The following TENM1 variants were observed in gnomAD, a reference collection of about 807,000 sequenced individuals.
TENM1 encodes teneurin-1.
Under a neutral mutation model 174.8 loss-of-function variants are expected in TENM1, and 35 were observed. The observed-to-expected ratio is 0.20, with a 90% CI of 0.15 to 0.27. The LOEUF (loss-of-function observed/expected upper bound fraction) is 0.27. TENM1 is among the 10% of genes least tolerant of loss of function. TENM1 has a pLI of 1.00. For synonymous variants in TENM1, 781 were observed against 798.7 expected (o/e 0.98, Z 0.37); for missense variants, 1,633 against 2,130.1 (o/e 0.77, Z 4.59).
chrX:125,138,160 T>C, the TENM1 span, among the ~76,000 whole-genome samples: 2 of 111,452 alleles, frequency 1.8e-5, no homozygotes, highest in African/African-American at 6.5e-5. Context: ...CCAGGACATA[T>C]GCATTGAGAA....
At chrX:124,837,089 T>C (rs2056406748) in intron 3 of TENM1, among the ~76,000 whole-genome samples, 1 of 112,485 alleles carries the variant, frequency 8.9e-6, no homozygotes. Context: ...TTATTTTCTC[T>C]GTCTCTTTTT....
chrX:124,805,367 G>C (rs2055566436), intron 3 of TENM1, among the ~76,000 whole-genome samples: 1 of 112,271 alleles, frequency 8.9e-6, no homozygotes, highest in Admixed American at 9.4e-5. Flanking sequence ...ATATATAATA[G>C]TTCTAACCTT....
At chrX:125,121,794 G>A in the TENM1 span, among the ~76,000 whole-genome samples, 4 of 112,465 alleles carry the variant, frequency 3.6e-5, no homozygotes, top group Non-Finnish European at 7.5e-5. Context: ...GGGTAAGGCC[G>A]GATGTGGTGG....
the TENM1 span, among the ~76,000 whole-genome samples, chrX:125,139,406 C>T: frequency 9.0e-6 from 1 of 110,687 alleles, no homozygotes; most frequent in Admixed American, 9.6e-5. Flanking sequence ...AGGGGTTAGC[C>T]CTCCCGAAGC....
At chrX:124,677,808 T>C (rs2052127774) in intron 5 of TENM1, among the ~76,000 whole-genome samples, 2 of 110,949 alleles carry the variant, frequency 1.8e-5, no homozygotes, top group Admixed American at 9.6e-5. Flanking sequence ...GAAAAGACTG[T>C]GGAAAAACTG....
chrX:125,085,239 G>T, the TENM1 span, among the ~76,000 whole-genome samples: 5 of 110,562 alleles, frequency 4.5e-5, no homozygotes, highest in African/African-American at 1.6e-4. Flanking sequence ...ATACAAACAT[G>T]GTTTTAAATA....
Position 124,952,337 on chromosome X carries a change from T to G in TENM1, c.217+11200A>C, listed in dbSNP as rs764486508. On this transcript the variant is annotated intron_variant, in intron 1 of 31. Transcript: ENST00000422452. The stretch of plus-strand genomic sequence containing the variant: ...ACTTCACTGTTCCTTATGTATGGGG[T>G]GTGTGTGTGTGTGTGTGTGTGTGTG... 6.6e-3 allele frequency among the ~76,000 whole-genome samples: 310 copies of G among 46,814 alleles called. 2 individuals carry two copies. Among genetic ancestry groups the G allele is most frequent in the African/African-American group, 0.054 (282 of 5,215 alleles). 40.7% of individuals were successfully genotyped at this position (46,814 alleles called of 115,157 possible). A position where few individuals can be genotyped will look rare whatever the true frequency, so the allele number is the denominator to read the frequency against.
chrX:124,673,946 C>T (rs769496617), intron 5 of TENM1, among the ~76,000 whole-genome samples: 7 of 111,171 alleles, frequency 6.3e-5, no homozygotes, highest in Non-Finnish European at 1.1e-4. Flanking sequence ...ATAGTTGGTA[C>T]TGGATTTGTG....
At chrX:124,617,696 C>T (rs1225733140) in intron 11 of TENM1, among the ~76,000 whole-genome samples, 4 of 111,915 alleles carry the variant, frequency 3.6e-5, no homozygotes, top group Non-Finnish European at 7.5e-5. Context: ...TTAAATTCCT[C>T]GGAGACTTGA....
chrX:124,453,548 C>A (rs1283411799), intron 22 of TENM1, 57 bp from the exon 26 acceptor site: 23 of 1,075,254 alleles, frequency 2.1e-5, no homozygotes, highest in Admixed American at 5.6e-5. Flanking sequence ...TTGCACTAAG[C>A]TCTGTATTTT....
chrX:124,395,221 G>A (rs1056665532), intron 27 of TENM1, among the ~76,000 whole-genome samples: 2 of 111,371 alleles, frequency 1.8e-5, no homozygotes, highest in African/African-American at 6.5e-5. Flanking sequence ...GCTTAAATTT[G>A]CATTTATTTG....
intron 5 of TENM1, among the ~76,000 whole-genome samples, chrX:124,698,270 T>C (rs914635171): frequency 1.8e-5 from 2 of 110,913 alleles, no homozygotes; most frequent in Non-Finnish European, 3.8e-5. Flanking sequence ...TCTCTACCTG[T>C]AGGTCCATTT....
At position 124,691,889 on chromosome X, in the gene TENM1, G is replaced by A. The variant is rs1239002562; in HGVS notation, c.1015+13124C>T. Among the ~76,000 whole-genome samples, 7 of 110,591 alleles carry A rather than the reference G, an allele frequency of 6.3e-5. No individual in the cohort carries two copies. In the East Asian group the frequency reaches 8.5e-4, roughly 13 times the overall value. ...TAGTAATTTAACATGTGGTGTGTTCGTTATAATTTTTCTTAGATATTTTAA... is the reference window on the plus strand; with the variant it reads ...TAGTAATTTAACATGTGGTGTGTTCATTATAATTTTTCTTAGATATTTTAA... On this transcript the variant is annotated intron_variant, in intron 5 of 31. Coordinates refer to ENST00000422452, the Ensembl canonical transcript of TENM1.
intron 11 of TENM1, among the ~76,000 whole-genome samples, chrX:124,636,407 G>A (rs756384211): frequency 1.8e-5 from 2 of 111,747 alleles, no homozygotes; most frequent in African/African-American, 3.3e-5. Flanking sequence ...TTGCCTGAGA[G>A]GCTGCTGAGT....
At chrX:124,549,342 T>C (rs886719160) in intron 14 of TENM1, among the ~76,000 whole-genome samples, 4 of 112,217 alleles carry the variant, frequency 3.6e-5, no homozygotes, top group Non-Finnish European at 7.5e-5. Flanking sequence ...ACATTTTTAT[T>C]GAATACTGAA....
the TENM1 span, among the ~76,000 whole-genome samples, chrX:125,071,534 T>C: frequency 4.8e-4 from 54 of 112,090 alleles, no homozygotes; most frequent in Non-Finnish European, 9.6e-4. Context: ...TACAGTTACA[T>C]GAAACGTTTC....
chrX:124,934,807 A>G (rs2058221698), intron 1 of TENM1, among the ~76,000 whole-genome samples: 1 of 111,811 alleles, frequency 8.9e-6, no homozygotes, highest in African/African-American at 3.3e-5. Flanking sequence ...GGAGCCCTAT[A>G]AATGGTTTAG....
upstream of TENM1, among the ~76,000 whole-genome samples, chrX:124,966,618 C>T (rs1035365598): frequency 3.8e-5 from 4 of 104,990 alleles, no homozygotes; most frequent in African/African-American, 7.1e-5. Context: ...GCCGAGATCG[C>T]GCCACTGCAC....
chrX:124,472,657 T>TA (rs1292832261), intron 22 of TENM1, among the ~76,000 whole-genome samples: 1 of 111,492 alleles, frequency 9.0e-6, no homozygotes, highest in Non-Finnish European at 1.9e-5. Flanking sequence ...TTTTACACTA[T>TA]AAAACTACTA....
Sources: gnomAD v4.1 joint callset for allele counts (sites outside exome capture counted in the v4.1 genomes callset) on GRCh38, gnomAD v4.1.1 for gene constraint, MANE v1.5 for transcripts, NCBI Gene and HGNC (gene_info 2026-07-23, HGNC 2026-07-21) for gene names.